The following SPECC1L variants were observed in gnomAD, a reference collection of about 807,000 sequenced individuals.
SPECC1L encodes sperm antigen with calponin homology and coiled-coil domains 1 like.
SPECC1L carries 40 observed loss-of-function variants against 116.8 expected under a neutral mutation model. The observed-to-expected ratio is 0.34, with a 90% CI of 0.27 to 0.45. The LOEUF (loss-of-function observed/expected upper bound fraction) is 0.45, where lower values mean the gene tolerates loss of function less well. SPECC1L is among the 20% of genes least tolerant of loss of function. SPECC1L has a pLI of 1.00. For synonymous variants in SPECC1L, 504 were observed against 500.6 expected, an observed-to-expected ratio of 1.01 and a Z score of -0.09; for missense variants, 1,110 against 1,373.6, an observed-to-expected ratio of 0.81 and a Z score of 3.03.
chr22:24,372,108 A>G (rs1394891802), intron 14 of SPECC1L, among the ~76,000 whole-genome samples: 1 of 152,244 alleles, frequency 6.6e-6, no homozygotes, highest in Non-Finnish European at 1.5e-5. Flanking sequence ...GAAGTAGACC[A>G]ATAACAGGCT....
At chr22:24,284,406 TTTAA>T (rs1219883520) in intron 2 of SPECC1L, among the ~76,000 whole-genome samples, 1 of 152,116 alleles carries the variant, frequency 6.6e-6, no homozygotes, top group African/African-American at 2.4e-5. Context: ...TATTTTGTAA[TTTAA>T]TTAATAGAGA....
intron 10 of SPECC1L, among the ~76,000 whole-genome samples, chr22:24,345,878 A>G (rs1411452829): frequency 3.9e-5 from 6 of 152,222 alleles, no homozygotes; most frequent in Non-Finnish European, 2.9e-5. Flanking sequence ...GTGAAGCACA[A>G]GAAAAACATA....
intron 12 of SPECC1L, among the ~76,000 whole-genome samples, 188 bp from the exon 13 acceptor site, chr22:24,365,288 G>T (rs535102372): frequency 1.3e-5 from 2 of 152,188 alleles, no homozygotes; most frequent in South Asian, 4.2e-4. Context: ...GATTATAGGC[G>T]TGAGCCACTG....
At chr22:24,371,988 T>G (rs1041244666) in intron 14 of SPECC1L, among the ~76,000 whole-genome samples, 6 of 152,192 alleles carry the variant, frequency 3.9e-5, no homozygotes, top group Admixed American at 1.3e-4. Context: ...CCGAAACTGC[T>G]GGGATTACAA....
At chr22:24,301,067 C>T (rs2049367342) in intron 2 of SPECC1L, among the ~76,000 whole-genome samples, 1 of 152,136 alleles carries the variant, frequency 6.6e-6, no homozygotes, top group Admixed American at 6.5e-5. Context: ...CAAAGACTTC[C>T]ATGACAGAAA....
chr22:24,406,811 C>T (rs755578548), intron 14 of SPECC1L, among the ~76,000 whole-genome samples: 5 of 152,212 alleles, frequency 3.3e-5, no homozygotes, highest in African/African-American at 1.2e-4. Flanking sequence ...GTTCTTGCAC[C>T]GTGCCTTCCG....
At chr22:24,372,010 C>T (rs1461890073) in intron 14 of SPECC1L, among the ~76,000 whole-genome samples, 5 of 152,148 alleles carry the variant, frequency 3.3e-5, no homozygotes, top group Admixed American at 6.5e-5. Context: ...CATGAGCCAC[C>T]GCGCCCGGTC....
intron 14 of SPECC1L, among the ~76,000 whole-genome samples, chr22:24,377,310 A>G (rs1291275238): frequency 6.6e-6 from 1 of 152,040 alleles, no homozygotes; most frequent in Non-Finnish European, 1.5e-5. Flanking sequence ...GTCACTGTTA[A>G]GAACTTTTTT....
chr22:24,374,965 CGAA>C (rs946554278), intron 14 of SPECC1L, among the ~76,000 whole-genome samples: 1 of 151,108 alleles, frequency 6.6e-6, no homozygotes, highest in Admixed American at 6.6e-5. Context: ...AAAAAGAAAA[CGAA>C]GACTAAAGTT....
intron 11 of SPECC1L, among the ~76,000 whole-genome samples, chr22:24,349,071 C>T (rs556578263): frequency 6.6e-6 from 1 of 151,962 alleles, no homozygotes; most frequent in Non-Finnish European, 1.5e-5. Context: ...GACAGAGTCT[C>T]ACTCTGTCGC....
At chr22:24,306,039 G>A (rs1363347400) in intron 3 of SPECC1L, among the ~76,000 whole-genome samples, 1 of 151,900 alleles carries the variant, frequency 6.6e-6, no homozygotes, top group African/African-American at 2.4e-5. Context: ...CCGAGTAGCT[G>A]GGATTACAGG....
chr22:24,328,672 T>C (rs2040876612), intron 6 of SPECC1L, among the ~76,000 whole-genome samples, 174 bp from the exon 7 acceptor site: 1 of 152,234 alleles, frequency 6.6e-6, no homozygotes, highest in Non-Finnish European at 1.5e-5. Context: ...AAAGTAATAT[T>C]TGTTATTACT....
At chr22:24,335,488 A>G (rs1358032040) in intron 9 of SPECC1L, among the ~76,000 whole-genome samples, 2 of 152,184 alleles carry the variant, frequency 1.3e-5, no homozygotes, top group Admixed American at 1.3e-4. Flanking sequence ...CCACTTTCAA[A>G]TGACTGACTT....
At chr22:24,294,337 TC>T (rs1390086570) in intron 2 of SPECC1L, among the ~76,000 whole-genome samples, 10 of 148,856 alleles carry the variant, frequency 6.7e-5, no homozygotes, top group Non-Finnish European at 1.5e-4. Context: ...TCCTGTTTAT[TC>T]CTGTAGACTG....
rs62233092 is a variant in SPECC1L at position 24,301,130 on chromosome 22, A to T, written c.-37-1065A>T. 7.4e-3 allele frequency among the ~76,000 whole-genome samples: 1,124 copies of T among 152,318 alleles called. 6 individuals are homozygous for T. Among genetic ancestry groups the T allele is most frequent in the South Asian group, 0.012 (60 of 4,826 alleles). ...AAATTGACAAATGGGATCTAAGTAA[A>T]CTAAAGAGCTTCTGCACAGCAAAAG... On this transcript the variant is annotated intron_variant, in intron 2 of 16. Coordinates refer to ENST00000314328, the MANE Select transcript of SPECC1L (RefSeq NM_015330.6).
intron 14 of SPECC1L, among the ~76,000 whole-genome samples, chr22:24,385,401 G>T (rs1601324805): frequency 6.6e-6 from 1 of 152,120 alleles, no homozygotes; most frequent in Non-Finnish European, 1.5e-5. Context: ...GAATATTCCA[G>T]TTAAAAGACA....
intron 11 of SPECC1L, among the ~76,000 whole-genome samples, chr22:24,357,642 G>T (rs2041558492): frequency 6.6e-6 from 1 of 152,184 alleles, no homozygotes; most frequent in Non-Finnish European, 1.5e-5. Flanking sequence ...GTCTTTAAAT[G>T]TGGGAGTTTG....
At chr22:24,391,858 A>G (rs1311656881) in intron 14 of SPECC1L, among the ~76,000 whole-genome samples, 1 of 152,178 alleles carries the variant, frequency 6.6e-6, no homozygotes, top group African/African-American at 2.4e-5. Flanking sequence ...CACTAATGAC[A>G]TGGAGAAAAC....
At chr22:24,327,813 A>G (rs2040860686) in intron 6 of SPECC1L, among the ~76,000 whole-genome samples, 1 of 152,172 alleles carries the variant, frequency 6.6e-6, no homozygotes, top group African/African-American at 2.4e-5. Context: ...AAGTGTTTTT[A>G]GTCTAGTGGT....
Sources: gnomAD v4.1 joint callset for allele counts (sites outside exome capture counted in the v4.1 genomes callset) on GRCh38, gnomAD v4.1.1 for gene constraint, MANE v1.5 for transcripts, NCBI Gene and HGNC (gene_info 2026-07-23, HGNC 2026-07-21) for gene names.